AHRR: variants seen among roughly 807,000 people sequenced by gnomAD.
The protein encoded by AHRR is ahR repressor.
A neutral mutation model predicts 44.0 loss-of-function variants in AHRR; 28 were observed. The ratio of observed to expected loss-of-function variants is 0.64; its 90% CI spans 0.47 to 0.87. The LOEUF is 0.87. Among genes scored for constraint, AHRR ranks in the 40% least tolerant of loss-of-function variants. AHRR has a pLI of 0.00. For synonymous variants in AHRR, 434 were observed against 407.0 expected (o/e 1.07, Z -0.80); for missense variants, 990 against 953.9 (o/e 1.04, Z -0.50).
chr5:351,784 G>A (rs1742866740), intron 2 of AHRR, among the ~76,000 whole-genome samples: 1 of 152,248 alleles, frequency 6.6e-6, no homozygotes, highest in Admixed American at 6.5e-5. Flanking sequence ...CTGTCAGGCT[G>A]CTCTGTGACT....
chr5:376,185 G>A (rs576724850), intron 3 of AHRR, among the ~76,000 whole-genome samples: 8 of 152,236 alleles, frequency 5.3e-5, no homozygotes, highest in Admixed American at 1.3e-4. Context: ...CAACAGTGCC[G>A]TGGGTCTCAG....
intron 3 of AHRR, among the ~76,000 whole-genome samples, chr5:368,258 G>A (rs747183663): frequency 1.3e-5 from 2 of 152,188 alleles, no homozygotes; most frequent in African/African-American, 2.4e-5. Context: ...GGCTGCTCAG[G>A]AAGACTCCCT....
chr5:350,472 G>GGGCTT (rs1391726239), intron 2 of AHRR, among the ~76,000 whole-genome samples: 1 of 152,200 alleles, frequency 6.6e-6, no homozygotes, highest in Non-Finnish European at 1.5e-5. Context: ...CACGCCCTCA[G>GGGCTT]GGCTTCTAGG....
Position 428,001 on chromosome 5 carries a change from T to C in AHRR, c.903T>C (p.Asp301=). Residue 301 remains aspartate, a synonymous_variant, in exon 8 of 11, where the codon GAT becomes GAC. Coordinates refer to ENST00000684583, the MANE Select transcript of AHRR (RefSeq NM_001377236.1). ...GAGCAGACACCGCAGCCACCGCGGA[T>C]GCAAAGTGAGTAAGACTCGCCCTTC... ...KPRADTAATA[D]AKVKATTSLC... 6.2e-7 allele frequency: 1 copy of C among 1,613,756 alleles called. No homozygotes were observed.
chr5:376,557 A>AGAACGC, intron 3 of AHRR, 53 bp from the exon 4 acceptor site: 1 of 1,423,180 alleles, frequency 7.0e-7, no homozygotes, highest in South Asian at 1.4e-5. Context: ...AATGAAGAAG[A>AGAACGC]GTGGCCAGGC....
At chr5:390,414 C>T (rs192258421) in intron 4 of AHRR, among the ~76,000 whole-genome samples, 21 of 152,216 alleles carry the variant, frequency 1.4e-4, no homozygotes, top group African/African-American at 2.9e-4. Flanking sequence ...GTGAAAGCAC[C>T]GCACCGACCA....
intron 3 of AHRR, among the ~76,000 whole-genome samples, chr5:375,229 T>C (rs749469267): frequency 1.3e-5 from 2 of 152,232 alleles, no homozygotes; most frequent in Non-Finnish European, 2.9e-5. Context: ...ATTCTAGTTC[T>C]TAAAATATCC....
intron 1 of AHRR, 126 bp from the exon 2 acceptor site, chr5:343,767 A>T (rs755673379): frequency 1.1e-5 from 10 of 876,910 alleles, no homozygotes; most frequent in Non-Finnish European, 1.5e-5. Flanking sequence ...GAGGAGCAGG[A>T]GGTGGGGGCC....
chr5:415,697 C>CCGAATCTGCCTGGTCGGGCG (rs1560916484), intron 5 of AHRR, among the ~76,000 whole-genome samples: 3 of 151,426 alleles, frequency 2.0e-5, no homozygotes, highest in Admixed American at 6.6e-5. Flanking sequence ...GGCCTAGGGG[C>CCGAATCTGCCTGGTCGGGCG]GGAGTCTGCC....
rs976302656 is a variant in AHRR at position 433,756 on chromosome 5, G to A, written c.1113-97G>A. On this transcript the variant is annotated intron_variant, in intron 10 of 10. Coordinates refer to ENST00000684583, the MANE Select transcript of AHRR (RefSeq NM_001377236.1). ...TAGCAGCCTTGGCAGATTTAGCATCGTCCTGATTTCGTAGCCTCCCTTAGA... is the reference window on the plus strand; with the variant it reads ...TAGCAGCCTTGGCAGATTTAGCATCATCCTGATTTCGTAGCCTCCCTTAGA... 1.9e-5 allele frequency: 25 copies of A among 1,315,194 alleles called. No individual in the cohort carries two copies. The East Asian group carries it at 2.3e-4, about 12-fold the overall frequency. 81.5% of individuals were successfully genotyped at this position (1,315,194 alleles called of 1,614,324 possible). A position where few individuals can be genotyped will look rare whatever the true frequency, so the allele number is the denominator to read the frequency against.
chr5:348,659 T>A (rs1742758661), intron 2 of AHRR, among the ~76,000 whole-genome samples: 1 of 152,234 alleles, frequency 6.6e-6, no homozygotes, highest in African/African-American at 2.4e-5. Context: ...CTGAGATTCA[T>A]CCATGTTTCT....
intron 1 of AHRR, among the ~76,000 whole-genome samples, chr5:324,849 TG>T (rs1741648126): frequency 6.6e-6 from 1 of 152,124 alleles, no homozygotes. Flanking sequence ...GCACTGGCTG[TG>T]GGGAGGGGGT....
intron 4 of AHRR, among the ~76,000 whole-genome samples, chr5:402,497 G>A (rs543736945): frequency 5.0e-5 from 7 of 140,706 alleles, no homozygotes; most frequent in African/African-American, 1.9e-4. Flanking sequence ...GGGGACCCTC[G>A]TGCACTGTTG....
At position 335,917 on chromosome 5, in the gene AHRR, C is replaced by T. The variant is rs80108667; in HGVS notation, c.-10-7976C>T. Among the ~76,000 whole-genome samples, 801 of 152,354 alleles carry T rather than the reference C, an allele frequency of 5.3e-3. 10 individuals carry two copies. The highest frequency in any genetic ancestry group is 0.019 in the African/African-American group (790 of 41,582). On this transcript the variant is annotated intron_variant, in intron 1 of 10. Coordinates refer to ENST00000684583, the MANE Select transcript of AHRR (RefSeq NM_001377236.1). The stretch of plus-strand genomic sequence containing the variant: ...TGCCTGCTTCCAGTGCTGGGAGCTG[C>T]AGCCCATGCTACACTTGCCTCTTAG...
intron 1 of AHRR, among the ~76,000 whole-genome samples, chr5:332,710 T>A (rs922411651): frequency 6.6e-6 from 1 of 152,206 alleles, no homozygotes; most frequent in African/African-American, 2.4e-5. Flanking sequence ...TGAAATCCCA[T>A]GTTTCTTTGC....
intron 4 of AHRR, among the ~76,000 whole-genome samples, chr5:398,330 G>T (rs547676380): frequency 4.6e-5 from 7 of 151,382 alleles, no homozygotes; most frequent in Non-Finnish European, 8.8e-5. Flanking sequence ...CCGACATTCC[G>T]CGTTAGCCCC....
Position 413,420 on chromosome 5 carries a change from T to A in AHRR, c.428T>A (p.Leu143Gln), listed in dbSNP as rs192593743. The change falls in exon 5 of 11, where the codon CTG becomes CAG. Residue 143 changes from leucine to glutamine, a missense_variant. By Grantham distance (113) the Leu-to-Gln change is moderately radical. Transcript: ENST00000684583. Reference sequence around the variant, plus strand: ...GCATCAGCAACGATCGTGGACTATCTGGGCTTCCATCAGGTAAATGAAACC... The same window carrying A: ...GCATCAGCAACGATCGTGGACTATCAGGGCTTCCATCAGGTAAATGAAACC... ...FYASATIVDYLGFHQTDVMHQ... is the reference protein window; with the variant it reads ...FYASATIVDYQGFHQTDVMHQ... The A allele has an allele frequency of 6.2e-7, 1 of 1,613,386 alleles. No homozygotes were observed. Among genetic ancestry groups the A allele is most frequent in the East Asian group, 2.2e-5 (1 of 44,880 alleles).
intron 4 of AHRR, among the ~76,000 whole-genome samples, chr5:412,715 C>CTTTTTT (rs11285209): frequency 3.1e-5 from 3 of 96,950 alleles, no homozygotes; most frequent in African/African-American, 7.5e-5. Context: ...CTCTCTCTCT[C>CTTTTTT]TTTTTTTTTT....
intron 2 of AHRR, among the ~76,000 whole-genome samples, chr5:346,490 G>C (rs1438333615): frequency 1.3e-5 from 2 of 152,220 alleles, no homozygotes; most frequent in African/African-American, 2.4e-5. Flanking sequence ...ATTTGCAGCT[G>C]TGTGACAAAG....
Sources: allele counts gnomAD v4.1 joint callset (sites outside exome capture counted in the v4.1 genomes callset), GRCh38; gene constraint gnomAD v4.1.1; transcripts MANE v1.5; gene names NCBI Gene and HGNC (gene_info 2026-07-23, HGNC 2026-07-21).